Variants in LRRC37A2 observed in about 807,000 individuals in gnomAD.
The protein encoded by LRRC37A2 is leucine rich repeat containing 37 member A2.
A neutral mutation model predicts 68.8 loss-of-function variants in LRRC37A2; 9 were observed. The ratio of observed to expected loss-of-function variants is 0.13; its 90% CI spans 0.08 to 0.23. The LOEUF (loss-of-function observed/expected upper bound fraction) is 0.23. LRRC37A2 is among the 10% of genes least tolerant of loss of function. The probability of loss-of-function intolerance (pLI) is 1.00; values close to 1 mark genes in which losing one functional copy is unlikely to be tolerated. For missense variants in LRRC37A2, 168 were observed against 950.4 expected, an observed-to-expected ratio of 0.18 and a Z score of 10.82; for synonymous variants, 63 against 367.6, an observed-to-expected ratio of 0.17 and a Z score of 9.48.
At chr17:46,912,159 T>G in the LRRC37A2 span, among the ~76,000 whole-genome samples, 1 of 152,174 alleles carries the variant, frequency 6.6e-6, no homozygotes, top group Non-Finnish European at 1.5e-5. Flanking sequence ...CCCAAGGATG[T>G]GCACACCTAC....
At chr17:46,905,267 G>A in the LRRC37A2 span, among the ~76,000 whole-genome samples, 1 of 151,904 alleles carries the variant, frequency 6.6e-6, no homozygotes, top group Non-Finnish European at 1.5e-5. Flanking sequence ...GTAGAGACAG[G>A]GTTTCATCAT....
chr17:47,012,470 T>C, the LRRC37A2 span, among the ~76,000 whole-genome samples: 1 of 151,404 alleles, frequency 6.6e-6, no homozygotes, highest in Non-Finnish European at 1.5e-5. Context: ...GGAAAAAATA[T>C]CTGCCATATA....
chr17:46,876,827 G>A, the LRRC37A2 span: 9 of 1,437,688 alleles, frequency 6.3e-6, no homozygotes, highest in South Asian at 6.1e-5. Context: ...TGCATAAACC[G>A]GCATGTGTGC....
chr17:46,970,072 A>C, the LRRC37A2 span, among the ~76,000 whole-genome samples: 1 of 152,298 alleles, frequency 6.6e-6, no homozygotes, highest in African/African-American at 2.4e-5. Context: ...GATCATCCCC[A>C]GCATAGAGTG....
chr17:46,842,525 C>A, the LRRC37A2 span, among the ~76,000 whole-genome samples: 2 of 152,126 alleles, frequency 1.3e-5, no homozygotes, highest in Non-Finnish European at 2.9e-5. Context: ...CAGGTGCATA[C>A]CACCATGCCC....
the LRRC37A2 span, among the ~76,000 whole-genome samples, chr17:46,693,450 C>G: frequency 7.3e-5 from 11 of 151,566 alleles, no homozygotes; most frequent in Non-Finnish European, 1.5e-4. Flanking sequence ...GATCCTACAT[C>G]ACTATTATAA....
At chr17:46,797,427 T>C in the LRRC37A2 span, among the ~76,000 whole-genome samples, 1 of 152,110 alleles carries the variant, frequency 6.6e-6, no homozygotes, top group Non-Finnish European at 1.5e-5. Flanking sequence ...AGTTTTCCAG[T>C]AGGGAATGGG....
At chr17:47,029,603 A>T in the LRRC37A2 span, among the ~76,000 whole-genome samples, 25 of 152,306 alleles carry the variant, frequency 1.6e-4, no homozygotes, top group African/African-American at 6.0e-4. Context: ...GTCCTCATTA[A>T]TTTGCTGATG....
At chr17:47,034,321 C>T in the LRRC37A2 span, among the ~76,000 whole-genome samples, 2 of 152,224 alleles carry the variant, frequency 1.3e-5, no homozygotes, top group African/African-American at 4.8e-5. Context: ...CAGGCACAAC[C>T]TTAGTCAAGA....
the LRRC37A2 span, among the ~76,000 whole-genome samples, chr17:46,568,785 CA>C: frequency 1.2e-5 from 1 of 84,964 alleles, no homozygotes; most frequent in African/African-American, 6.0e-5. Context: ...ACCCTGTCTC[CA>C]AAAAAAAAAA....
the LRRC37A2 span, among the ~76,000 whole-genome samples, chr17:46,882,700 G>C: frequency 6.6e-6 from 1 of 152,120 alleles, no homozygotes; most frequent in Non-Finnish European, 1.5e-5. Flanking sequence ...CTCTCACCTG[G>C]AGTTCCTTCT....
chr17:46,947,165 CTG>C, the LRRC37A2 span, among the ~76,000 whole-genome samples: 1 of 152,180 alleles, frequency 6.6e-6, no homozygotes, highest in South Asian at 2.1e-4. Flanking sequence ...GAACCCTCAG[CTG>C]TCTCTGAAAC....
the LRRC37A2 span, among the ~76,000 whole-genome samples, chr17:46,676,505 T>G: frequency 6.8e-6 from 1 of 146,830 alleles, no homozygotes; most frequent in Admixed American, 6.8e-5. Flanking sequence ...GTGCTGAGAT[T>G]ATAGGCGTGA....
chr17:46,863,135 T>A, the LRRC37A2 span, among the ~76,000 whole-genome samples: 1 of 151,786 alleles, frequency 6.6e-6, no homozygotes, highest in African/African-American at 2.4e-5. Context: ...ACAGGCAGCC[T>A]CCTCCAGAGC....
chr17:46,785,781 GA>G, the LRRC37A2 span, among the ~76,000 whole-genome samples: 1 of 152,190 alleles, frequency 6.6e-6, no homozygotes, highest in Non-Finnish European at 1.5e-5. Flanking sequence ...TCAGAGGGAA[GA>G]GGCTGCGGGC....
At chr17:46,904,595 T>C in the LRRC37A2 span, among the ~76,000 whole-genome samples, 2 of 151,480 alleles carry the variant, frequency 1.3e-5, no homozygotes, top group African/African-American at 4.9e-5. Flanking sequence ...TGGGAAGATG[T>C]GCAGGTGAGT....
chr17:46,923,376 C>G, the LRRC37A2 span: 1 of 1,470,340 alleles, frequency 6.8e-7, no homozygotes, highest in Non-Finnish European at 9.0e-7. Flanking sequence ...TAATCCTTGG[C>G]GGGACTCCCA....
chr17:46,897,463 C>T, the LRRC37A2 span, among the ~76,000 whole-genome samples: 1 of 152,006 alleles, frequency 6.6e-6, no homozygotes, highest in Non-Finnish European at 1.5e-5. Flanking sequence ...TGGAGGAGTC[C>T]ACCCAGAGCT....
chr17:46,880,696 G>T, the LRRC37A2 span, among the ~76,000 whole-genome samples: 1 of 152,214 alleles, frequency 6.6e-6, no homozygotes, highest in African/African-American at 2.4e-5. Context: ...TTGGAACACA[G>T]ATCTCCTGGC....
Sources: gnomAD v4.1 joint callset for allele counts (sites outside exome capture counted in the v4.1 genomes callset) on GRCh38, gnomAD v4.1.1 for gene constraint, MANE v1.5 for transcripts, NCBI Gene and HGNC (gene_info 2026-07-23, HGNC 2026-07-21) for gene names.